ATXN7L1: variants seen among roughly 807,000 people sequenced by gnomAD.
ATXN7L1 encodes the protein ataxin 7 like 1.
In ATXN7L1, 15 loss-of-function variants were observed where a neutral mutation model predicts 70.8. That is an observed-to-expected ratio of 0.21 (90% CI 0.14 to 0.33). The LOEUF (loss-of-function observed/expected upper bound fraction) is 0.33. Ranked by LOEUF, ATXN7L1 falls within the 10% of genes least tolerant of loss-of-function variation. The pLI, the probability that ATXN7L1 is intolerant of heterozygous loss-of-function variation, is 1.00. For synonymous variants in ATXN7L1, 440 were observed against 445.1 expected, an observed-to-expected ratio of 0.99 and a Z score of 0.14; for missense variants, 975 against 1,097.1, an observed-to-expected ratio of 0.89 and a Z score of 1.57.
chr7:105,641,191 CTTT>C (rs1432646784), intron 5 of ATXN7L1, among the ~76,000 whole-genome samples: 1 of 122,522 alleles, frequency 8.2e-6, no homozygotes, highest in African/African-American at 3.1e-5. Flanking sequence ...TTTTGTCTGC[CTTT>C]TCTCTCTCTC....
intron 3 of ATXN7L1, among the ~76,000 whole-genome samples, chr7:105,673,493 G>A (rs971421795): frequency 2.6e-5 from 4 of 152,234 alleles, no homozygotes; most frequent in Non-Finnish European, 5.9e-5. Context: ...TGACAGCATG[G>A]AGTCTCCTTC....
At chr7:105,733,636 ATCC>A (rs1796937078) in intron 3 of ATXN7L1, among the ~76,000 whole-genome samples, 3 of 114,020 alleles carry the variant, frequency 2.6e-5, no homozygotes, top group Non-Finnish European at 3.8e-5. Flanking sequence ...CCATCCACCC[ATCC>A]ATCCATCCAT....
intron 2 of ATXN7L1, among the ~76,000 whole-genome samples, chr7:105,817,105 G>A (rs1809315827): frequency 6.6e-6 from 1 of 152,214 alleles, no homozygotes; most frequent in Non-Finnish European, 1.5e-5. Context: ...AGGCCTGGGA[G>A]CAGGATGGGA....
In ATXN7L1 at chr7:105,819,665, C is replaced by T. The variant is rs1585079107; in HGVS notation, c.251-30957G>A. 6 of 946,040 alleles carry T rather than the reference C, an allele frequency of 6.3e-6. No individual in the cohort carries two copies. In the East Asian group the frequency reaches 1.3e-4, roughly 21 times the overall value. The allele number at this position is 946,040 out of a possible 1,614,324, so 58.6% of individuals were successfully genotyped here. On this transcript the variant is annotated intron_variant, in intron 2 of 11. Transcript: ENST00000419735. ...ACAAGTTGAAGTACCTGGTCTTCCT[C>T]CGCAAGCAGATGAACACCAACCCTT...
chr7:105,798,554 G>A lies in ATXN7L1; in HGVS notation c.251-9846C>T, dbSNP rs539365161. On this transcript the variant is annotated intron_variant, in intron 2 of 11. Coordinates refer to ENST00000419735, the MANE Select transcript of ATXN7L1 (RefSeq NM_020725.2). ...AGACAGTGATGACCTTGGTAGCCAA[G>A]AGAATAACTGTGCAAAGGGCTCCCC... Among the ~76,000 whole-genome samples the A allele has an allele frequency of 4.6e-3, 699 of 152,360 alleles. 8 individuals are homozygous for A. Among genetic ancestry groups the A allele is most frequent in the Non-Finnish European group, 5.2e-3 (354 of 68,040 alleles).
At chr7:105,825,688 T>C (rs761143547) in intron 2 of ATXN7L1, among the ~76,000 whole-genome samples, 8 of 152,002 alleles carry the variant, frequency 5.3e-5, no homozygotes, top group Non-Finnish European at 1.0e-4. Context: ...CCTCTCACTA[T>C]CCAAACACTT....
At chr7:105,840,304 A>C (rs577350347) in intron 2 of ATXN7L1, among the ~76,000 whole-genome samples, 19 of 152,362 alleles carry the variant, frequency 1.2e-4, no homozygotes, top group Admixed American at 3.9e-4. Flanking sequence ...GAGAAAGCCC[A>C]GTCAAGAGGT....
At chr7:105,786,124 T>G (rs995421129) in intron 3 of ATXN7L1, among the ~76,000 whole-genome samples, 1 of 152,204 alleles carries the variant, frequency 6.6e-6, no homozygotes, top group Non-Finnish European at 1.5e-5. Context: ...GAGGGAGGCC[T>G]TGGTGCCTCA....
At chr7:105,799,584 T>A (rs1204095093) in intron 2 of ATXN7L1, among the ~76,000 whole-genome samples, 1 of 152,130 alleles carries the variant, frequency 6.6e-6, no homozygotes, top group Non-Finnish European at 1.5e-5. Flanking sequence ...GATCTCTAAC[T>A]GGCAAAGCAA....
intron 4 of ATXN7L1, among the ~76,000 whole-genome samples, chr7:105,660,119 C>A (rs550972702): frequency 5.3e-5 from 8 of 152,186 alleles, no homozygotes; most frequent in Admixed American, 4.6e-4. Context: ...TCTCACCCAG[C>A]CCCTCCGTAC....
intron 2 of ATXN7L1, among the ~76,000 whole-genome samples, chr7:105,825,347 C>CA (rs1386908798): frequency 1.3e-5 from 2 of 152,114 alleles, no homozygotes; most frequent in Non-Finnish European, 1.5e-5. Flanking sequence ...GCTGTTGTCA[C>CA]AGACCAGCAG....
At chr7:105,791,621 C>T (rs1805253754) in intron 2 of ATXN7L1, among the ~76,000 whole-genome samples, 1 of 152,162 alleles carries the variant, frequency 6.6e-6, no homozygotes, top group African/African-American at 2.4e-5. Context: ...TCCGAAGATA[C>T]ATTTGAAAAA....
intron 3 of ATXN7L1, among the ~76,000 whole-genome samples, chr7:105,752,744 TG>T (rs1434770313): frequency 6.6e-6 from 1 of 152,218 alleles, no homozygotes; most frequent in Non-Finnish European, 1.5e-5. Context: ...GGTCCTAAAA[TG>T]TGGCTTTTCT....
rs559092930 is a variant in ATXN7L1 at position 105,841,083 on chromosome 7, G to C, written c.250+34729C>G. Among the ~76,000 whole-genome samples the C allele has an allele frequency of 2.6e-5, 4 of 152,328 alleles. No homozygotes were observed. The East Asian group carries it at 7.7e-4, about 29-fold the overall frequency. On this transcript the variant is annotated intron_variant, in intron 2 of 11. Transcript: ENST00000419735. ...ATCTCATTGCTAATATCTGAGACAG[G>C]AGCAACACTGAGCTTTGTGCGTGCT...
chr7:105,681,233 T>C (rs1805510918), intron 3 of ATXN7L1, among the ~76,000 whole-genome samples: 1 of 152,144 alleles, frequency 6.6e-6, no homozygotes, highest in African/African-American at 2.4e-5. Context: ...GAGACCAGCC[T>C]GGCCAATATG....
In ATXN7L1 at chr7:105,733,824, ACCCC is replaced by A. The variant is rs112607415; in HGVS notation, c.355+54776_355+54779del. On this transcript the variant is annotated intron_variant, in intron 3 of 11. Transcript: ENST00000419735. ...CATCCACCCAACCACCCATCCATCC[ACCCC>A]TCCATCCGTCCACCCATCCATCCAT... is the stretch of plus-strand genomic sequence containing the variant. 2.3e-3 allele frequency among the ~76,000 whole-genome samples: 185 copies of A among 79,022 alleles called. 3 individuals carry two copies. Among genetic ancestry groups the A allele is most frequent in the Admixed American group, 3.9e-3 (27 of 6,996 alleles). The allele number at this position is 79,022 out of a possible 152,430, so 51.8% of individuals were successfully genotyped here. A position where few individuals can be genotyped will look rare whatever the true frequency, so the allele number is the denominator to read the frequency against.
intron 9 of ATXN7L1, among the ~76,000 whole-genome samples, chr7:105,619,530 ATTTTTTTTTTTTTTTTTTTTT>A (rs10593739): frequency 2.5e-3 from 38 of 15,188 alleles, no homozygotes; most frequent in South Asian, 8.3e-3. Context: ...ATATATATAT[ATTTTTTTTTTTTTTTTTTTTT>A]TTTTTTTTTT....
chr7:105,810,845 G>A (rs1267643805), intron 2 of ATXN7L1, among the ~76,000 whole-genome samples: 2 of 152,214 alleles, frequency 1.3e-5, no homozygotes, highest in Non-Finnish European at 2.9e-5. Flanking sequence ...AGTAATTTAG[G>A]TGATGGTGGC....
intron 3 of ATXN7L1, among the ~76,000 whole-genome samples, chr7:105,707,520 T>G (rs1305548527): frequency 6.6e-6 from 1 of 152,182 alleles, no homozygotes; most frequent in African/African-American, 2.4e-5. Flanking sequence ...TCACAGCCTT[T>G]GGTATGCAGG....
Sources: allele counts gnomAD v4.1 joint callset (sites outside exome capture counted in the v4.1 genomes callset), GRCh38; gene constraint gnomAD v4.1.1; transcripts MANE v1.5; gene names NCBI Gene and HGNC (gene_info 2026-07-23, HGNC 2026-07-21).